Variants in BOD1L1 observed in about 807,000 individuals in gnomAD.
BOD1L1 encodes biorientation of chromosomes in cell division 1 like 1, also known as biorientation of chromosomes in cell division protein 1-like 1.
BOD1L1 carries 86 observed loss-of-function variants against 240.7 expected under a neutral mutation model. That is an observed-to-expected ratio of 0.36 (90% CI 0.30 to 0.43). The LOEUF is 0.43. Ranked by LOEUF, BOD1L1 falls within the 20% of genes least tolerant of loss-of-function variation. The probability of loss-of-function intolerance (pLI) is 1.00; values close to 1 mark genes in which losing one functional copy is unlikely to be tolerated. For synonymous variants in BOD1L1, 1,268 were observed against 1,272.3 expected, an observed-to-expected ratio of 1.00 and a Z score of 0.07; for missense variants, 3,554 against 3,643.5, an observed-to-expected ratio of 0.98 and a Z score of 0.63.
At chr4:13,572,511 C>A (rs148233017) in intron 25 of BOD1L1, among the ~76,000 whole-genome samples, 1 of 152,186 alleles carries the variant, frequency 6.6e-6, no homozygotes, top group African/African-American at 2.4e-5. Flanking sequence ...CAGTCCACTG[C>A]GGCAAGGCCA....
In BOD1L1 at chr4:13,590,981, A is replaced by C. The variant is rs186908922; in HGVS notation, c.8149-535T>G. On this transcript the variant is annotated intron_variant, in intron 13 of 25. Transcript: ENST00000040738. ...AGACAGCTGCTGGTGGACTCAAGGG[A>C]CTGAGGTAGGATGGAGAACATGCCA... 1.1e-3 allele frequency among the ~76,000 whole-genome samples: 162 copies of C among 152,264 alleles called. 1 individual carries two copies. Among genetic ancestry groups the C allele is most frequent in the South Asian group, 1.2e-3 (6 of 4,828 alleles).
At chr4:13,627,315 G>C in intron 1 of BOD1L1, 30 bp downstream of exon 1, 1 of 1,233,632 alleles carries the variant, frequency 8.1e-7, no homozygotes, top group Non-Finnish European at 1.0e-6. Context: ...CCCTTCCCTC[G>C]CAGACCCCCA....
At chr4:13,617,808 G>A (rs943644911) in intron 2 of BOD1L1, among the ~76,000 whole-genome samples, 12 of 152,248 alleles carry the variant, frequency 7.9e-5, no homozygotes, top group African/African-American at 2.6e-4. Flanking sequence ...CAAAGCATAC[G>A]TACAAAAAAC....
chr4:13,620,711 C>T (rs747522388), intron 1 of BOD1L1, among the ~76,000 whole-genome samples: 1 of 152,194 alleles, frequency 6.6e-6, no homozygotes, highest in Non-Finnish European at 1.5e-5. Flanking sequence ...GATGGTTAAT[C>T]ATCCTACAGT....
intron 25 of BOD1L1, among the ~76,000 whole-genome samples, chr4:13,573,519 ATCTTTCTT>A (rs34909266): frequency 1.5e-5 from 2 of 134,186 alleles, no homozygotes; most frequent in South Asian, 2.4e-4. Context: ...CTATCTATCT[ATCTTTCTT>A]TCTTTCTTTC....
Position 13,598,999 on chromosome 4 carries a change from T to G in BOD1L1, c.7901A>C (p.Glu2634Ala), listed in dbSNP as rs1316858482. ...CACAGTAACCATTATGTCTCCTTCC[T>G]CAGGGAATGATTTCCTTGTGCTGTT... ...DDNSTRKSFP[E>A]EGDIMVTVSS... is the part of the protein sequence containing the mutation. Residue 2634 changes from glutamate to alanine, a missense_variant, in exon 10 of 26, where the codon GAG (glutamate) becomes GCG (alanine). Glu to Ala is a moderately radical substitution (Grantham distance 107). Around this residue, in one of 2 missense-constraint regions of BOD1L1, gnomAD observed 3,393 missense variants for 3,427.1 expected, o/e 0.99. Coordinates refer to ENST00000040738, the MANE Select transcript of BOD1L1 (RefSeq NM_148894.3). The G allele has an allele frequency of 4.3e-6, 7 of 1,613,626 alleles. No homozygotes were observed. Among genetic ancestry groups the G allele is most frequent in the Admixed American group, 3.3e-5 (2 of 60,008 alleles).
Position 13,603,630 on chromosome 4 carries a change from T to C in BOD1L1, c.3270A>G (p.Ala1090=). 2 of 1,613,984 alleles carry C rather than the reference T, an allele frequency of 1.2e-6. No individual in the cohort carries two copies. Among genetic ancestry groups the C allele is most frequent in the Non-Finnish European group, 1.7e-6 (2 of 1,179,872 alleles). The change falls in exon 10 of 26, where the codon GCA becomes GCG. Residue 1090 remains alanine (A), a synonymous_variant. Coordinates refer to ENST00000040738, the MANE Select transcript of BOD1L1 (RefSeq NM_148894.3). ...QEMAKGEEKL[A]ANTLSTPSGS... ...CGCTGGGAGTGCTCAAAGTGTTTGC[T>C]GCTAATTTTTCTTCTCCTTTGGCCA...
Position 13,599,807 on chromosome 4 carries a change from C to G in BOD1L1, c.7093G>C (p.Ala2365Pro), listed in dbSNP as rs751193131. 30 of 1,613,924 alleles carry G rather than the reference C, an allele frequency of 1.9e-5. No individual in the cohort carries two copies. Among genetic ancestry groups the G allele is most frequent in the Non-Finnish European group, 2.5e-5 (29 of 1,179,908 alleles). Residue 2365 changes from alanine to proline, a missense_variant, in exon 10 of 26, where the codon GCC becomes CCC. Transcript: ENST00000040738. ...ACCTTGTGCTTGCTCACTTCTGTGG[C>G]TGACAGGTCACCGTTCCCTTCTGGG... is the stretch of plus-strand genomic sequence containing the variant. ...DNPEGNGDLSATEVSKHKVPM... is the reference protein window; with the variant it reads ...DNPEGNGDLSPTEVSKHKVPM...
Position 13,614,592 on chromosome 4 carries a change from C to T in BOD1L1, c.778G>A (p.Glu260Lys). The change falls in exon 4 of 26, where the codon GAA (glutamate) becomes AAA (lysine). Residue 260 changes from glutamate (E) to lysine (K), a missense_variant. Coordinates refer to ENST00000040738, the MANE Select transcript of BOD1L1 (RefSeq NM_148894.3). Reference protein sequence around the residue: ...ERTSEDMADKEKSTADSGGEG... With the variant: ...ERTSEDMADKKKSTADSGGEG... Reference sequence around the variant, plus strand: ...CCTCCAGAGTCAGCTGTAGATTTTTCTTTATCAGCCATGTCCTCTGAAGTT... The same window carrying T: ...CCTCCAGAGTCAGCTGTAGATTTTTTTTTATCAGCCATGTCCTCTGAAGTT... 1 of 1,613,860 alleles carries T rather than the reference C, an allele frequency of 6.2e-7. No individual in the cohort carries two copies. Among genetic ancestry groups the T allele is most frequent in the South Asian group, 1.1e-5 (1 of 91,074 alleles).
In BOD1L1 at chr4:13,586,352, C is replaced by T. The variant is rs780971023; in HGVS notation, c.8433+44G>A. On this transcript the variant is annotated intron_variant, in intron 17 of 25. Coordinates refer to ENST00000040738, the MANE Select transcript of BOD1L1 (RefSeq NM_148894.3). ...ATTTACAATGCTGTAATTAGGCCTC[C>T]CTACCCCCACCCAAAACTTAAAACT... The T allele has an allele frequency of 3.0e-6, 4 of 1,331,308 alleles. No individual in the cohort carries two copies. The African/African-American group carries it at 4.4e-5, about 14-fold the overall frequency. The allele number at this position is 1,331,308 out of a possible 1,614,324, so 82.5% of individuals were successfully genotyped here.
At chr4:13,591,799 C>T (rs1714241102) in intron 13 of BOD1L1, 124 bp downstream of exon 13, 1 of 655,852 alleles carries the variant, frequency 1.5e-6, no homozygotes, top group Admixed American at 3.5e-5. Flanking sequence ...CTACCAAATG[C>T]CTCCTGGCTA....
At position 13,602,358 on chromosome 4, in the gene BOD1L1, C is replaced by T. The variant is rs775501973; in HGVS notation, c.4542G>A (p.Lys1514=). Residue 1514 remains lysine, a synonymous_variant, in exon 10 of 26, where the codon AAG becomes AAA. Coordinates refer to ENST00000040738, the MANE Select transcript of BOD1L1 (RefSeq NM_148894.3). ...CTTCAGTACTAGTGGCAACAGAAGT[C>T]TTTTCTGCTCTCCTAGGCCCAGTTG... ...DVATGPRRAE[K]TSVATSTEGK... is the part of the protein sequence containing the mutation. The T allele has an allele frequency of 6.2e-7, 1 of 1,613,972 alleles. No individual in the cohort carries two copies. Among genetic ancestry groups the T allele is most frequent in the East Asian group, 2.2e-5 (1 of 44,882 alleles).
At chr4:13,576,142 C>T (rs576028894) in intron 25 of BOD1L1, among the ~76,000 whole-genome samples, 36 of 151,958 alleles carry the variant, frequency 2.4e-4, no homozygotes, top group Middle Eastern at 3.4e-3. Flanking sequence ...CCTCGTGATT[C>T]GCCTGCCTTG....
At chr4:13,579,086 T>C (rs1403887099) in intron 22 of BOD1L1, among the ~76,000 whole-genome samples, 1 of 152,172 alleles carries the variant, frequency 6.6e-6, no homozygotes, top group African/African-American at 2.4e-5. Context: ...TGTCCTTTTT[T>C]GCAAGTTTAA....
intron 10 of BOD1L1, 59 bp from the exon 11 acceptor site, chr4:13,597,227 G>A: frequency 1.5e-6 from 2 of 1,314,212 alleles, no homozygotes; most frequent in Non-Finnish European, 2.1e-6. Context: ...ATACATCTGG[G>A]GTCAAAAAGT....
chr4:13,588,718 G>T lies in BOD1L1; in HGVS notation c.8280+4C>A. The T allele has an allele frequency of 6.3e-7, 1 of 1,588,782 alleles. No homozygotes were observed. The highest frequency in any genetic ancestry group is 8.6e-7 in the Non-Finnish European group (1 of 1,167,008). On this transcript the variant is annotated splice_donor_region_variant and intron_variant, in intron 15 of 25. Coordinates refer to ENST00000040738, the MANE Select transcript of BOD1L1 (RefSeq NM_148894.3). ...ATCAAACACTTGAGTTTATTAAAAT[G>T]CACCTCTTTAGGATCTGCTTCAACA...
chr4:13,587,643 G>C, intron 16 of BOD1L1, 56 bp downstream of exon 16: 1 of 1,306,506 alleles, frequency 7.7e-7, no homozygotes, highest in East Asian at 2.5e-5. Context: ...CACTCTTTTG[G>C]ATATAAAAAT....
chr4:13,619,651 T>C (rs1277680029), intron 2 of BOD1L1, among the ~76,000 whole-genome samples: 2 of 152,244 alleles, frequency 1.3e-5, no homozygotes, highest in African/African-American at 2.4e-5. Context: ...CAACTGTATA[T>C]ATCATCTATT....
chr4:13,597,815 C>T (rs1714744641), intron 10 of BOD1L1, among the ~76,000 whole-genome samples: 1 of 152,174 alleles, frequency 6.6e-6, no homozygotes, highest in African/African-American at 2.4e-5. Context: ...AGGCTAAATT[C>T]AACAGAAACT....
Sources: gnomAD v4.1 joint callset for allele counts (sites outside exome capture counted in the v4.1 genomes callset) on GRCh38, gnomAD v4.1.1 for gene constraint, gnomAD v4.1.1 regional missense constraint, MANE v1.5 for transcripts, NCBI Gene and HGNC (gene_info 2026-07-23, HGNC 2026-07-21) for gene names.